Variants in PCSK1 observed in about 807,000 individuals in gnomAD.
The protein encoded by PCSK1 is proprotein convertase subtilisin/kexin type 1, also known as neuroendocrine convertase 1.
Under a neutral mutation model 90.6 loss-of-function variants are expected in PCSK1, and 56 were observed. The observed-to-expected ratio is 0.62, with a 90% CI of 0.50 to 0.77. The LOEUF is 0.77. PCSK1 is among the 30% of genes least tolerant of loss of function. The pLI is 0.00. For synonymous variants in PCSK1, 348 were observed against 342.4 expected (o/e 1.02, Z -0.18); for missense variants, 801 against 932.6 (o/e 0.86, Z 1.84).
At chr5:96,423,218 C>T in intron 4 of PCSK1, 95 bp downstream of exon 4, 1 of 1,229,826 alleles carries the variant, frequency 8.1e-7, no homozygotes, top group Admixed American at 2.0e-5. Context: ...GGGACTGACA[C>T]CAGAGCAGCA....
intron 10 of PCSK1, among the ~76,000 whole-genome samples, chr5:96,399,574 G>A (rs1031957448): frequency 2.0e-5 from 3 of 152,144 alleles, no homozygotes; most frequent in Non-Finnish European, 4.4e-5. Context: ...AGCAGATTTT[G>A]GGTAAAACTG....
chr5:96,427,365 T>C (rs937682573), intron 2 of PCSK1, among the ~76,000 whole-genome samples: 4 of 152,198 alleles, frequency 2.6e-5, no homozygotes, highest in Non-Finnish European at 5.9e-5. Context: ...GGAAAATTGG[T>C]AGTGTCTTTC....
At chr5:96,412,750 A>ATGTTTTTTTTTTTTTGTTT (rs1760801007) in intron 6 of PCSK1, among the ~76,000 whole-genome samples, 1 of 63,388 alleles carries the variant, frequency 1.6e-5, no homozygotes, top group African/African-American at 7.9e-5. Context: ...GGCAGCTGTG[A>ATGTTTTTTTTTTTTTGTTT]TGTTTTTTTT....
rs1480597482 is a variant in PCSK1 at position 96,421,905 on chromosome 5, G to A, written c.595C>T (p.Arg199Ter). 5.0e-6 allele frequency: 8 copies of A among 1,584,670 alleles called. No individual in the cohort carries two copies. The highest frequency in any genetic ancestry group is 1.7e-5 in the Admixed American group (1 of 59,640). Reference protein sequence around the residue: ...FNDNDHDPFPRYDPTNENKHG... With the variant: ...FNDNDHDPFP ...TTGTTCTCGTTTGTGGGATCATATC[G>A]GGGAAATGGATCATGGTCATTATCA... The change falls in exon 5 of 14, where the codon CGA (arginine) becomes TGA (stop). Residue 199 changes from arginine (R) to a stop codon, truncating the protein, a stop_gained. Coordinates refer to ENST00000311106, the MANE Select transcript of PCSK1 (RefSeq NM_000439.5). LOFTEE classifies it high-confidence loss of function.
intron 4 of PCSK1, 64 bp from the exon 5 acceptor site, chr5:96,422,020 GC>G: frequency 2.0e-6 from 1 of 510,786 alleles, no homozygotes; most frequent in Non-Finnish European, 3.2e-6. Context: ...AAAAAAAAAA[GC>G]ATCACTTCCC....
chr5:96,406,998 A>C (rs1156437552), intron 9 of PCSK1, among the ~76,000 whole-genome samples: 3 of 152,224 alleles, frequency 2.0e-5, no homozygotes, highest in African/African-American at 7.2e-5. Context: ...ATGAGAAAAA[A>C]AAAGTTAAAT....
At position 96,399,007 on chromosome 5, in the gene PCSK1, A is replaced by T; in HGVS notation, c.1460T>A (p.Ile487Asn). 4 of 1,612,664 alleles carry T rather than the reference A, an allele frequency of 2.5e-6. No individual in the cohort carries two copies. Among genetic ancestry groups the T allele is most frequent in the Admixed American group, 1.7e-5 (1 of 59,970 alleles). The change falls in exon 11 of 14, where the codon ATT becomes AAT. Residue 487 changes from isoleucine to asparagine, a missense_variant. Coordinates refer to ENST00000311106, the MANE Select transcript of PCSK1 (RefSeq NM_000439.5). ...RALKANGEVI[I>N]EIPTRACEGQ... is the part of the protein sequence containing the mutation. ...TTCACAAGCTCTTGTTGGAATTTCA[A>T]TGATAACTTCTCCATTAGCTTTCAG... is the stretch of plus-strand genomic sequence containing the variant.
intron 7 of PCSK1, 57 bp from the exon 8 acceptor site, chr5:96,411,043 T>C: frequency 8.2e-7 from 1 of 1,225,592 alleles, no homozygotes; most frequent in Non-Finnish European, 1.2e-6. Context: ...GTCATTGTTA[T>C]ATCCCAATAA....
At chr5:96,427,903 T>G (rs1186392330) in intron 2 of PCSK1, among the ~76,000 whole-genome samples, 1 of 152,140 alleles carries the variant, frequency 6.6e-6, no homozygotes, top group Non-Finnish European at 1.5e-5. Context: ...TTGAAGTGAG[T>G]AAGGGAAGAC....
At position 96,396,815 on chromosome 5, in the gene PCSK1, G is replaced by A. The variant is rs554400656; in HGVS notation, c.1722+521C>T. ...GTCAAAGAATGTTAGTAAACAGAAT[G>A]AAAAAGAAATGAGAAATGCTTTCGG... On this transcript the variant is annotated intron_variant, in intron 12 of 13. Transcript: ENST00000311106. 2.0e-5 allele frequency among the ~76,000 whole-genome samples: 3 copies of A among 152,278 alleles called. No individual in the cohort carries two copies. In the East Asian group the frequency reaches 5.8e-4, roughly 29 times the overall value.
intron 9 of PCSK1, among the ~76,000 whole-genome samples, chr5:96,405,504 GA>G (rs1760529702): frequency 6.6e-6 from 1 of 151,974 alleles, no homozygotes; most frequent in Non-Finnish European, 1.5e-5. Flanking sequence ...CTCCTACATA[GA>G]AAAAAGAAGG....
At chr5:96,400,329 GTTCA>G in intron 9 of PCSK1, 143 bp from the exon 10 acceptor site, 5 of 683,592 alleles carry the variant, frequency 7.3e-6, no homozygotes, top group Middle Eastern at 7.6e-4. Context: ...GTCTATTACT[GTTCA>G]TATATCTTTT....
chr5:96,409,202 G>A (rs534468579), intron 8 of PCSK1, among the ~76,000 whole-genome samples: 1 of 152,176 alleles, frequency 6.6e-6, no homozygotes, highest in Non-Finnish European at 1.5e-5. Flanking sequence ...GCTGCTGGTT[G>A]GGCCAAGGGA....
At chr5:96,402,763 A>G (rs1210106339) in intron 9 of PCSK1, among the ~76,000 whole-genome samples, 7 of 152,104 alleles carry the variant, frequency 4.6e-5, no homozygotes, top group Non-Finnish European at 1.0e-4. Flanking sequence ...CACACCTGAC[A>G]GCTCAGCTCA....
In PCSK1 at chr5:96,397,416, A is replaced by T. The variant is rs780942145; in HGVS notation, c.1642T>A (p.Phe548Ile). Residue 548 changes from phenylalanine (F) to isoleucine (I), a missense_variant, in exon 12 of 14, where the codon TTT becomes ATT. Phe to Ile is a conservative substitution (Grantham distance 21). Coordinates refer to ENST00000311106, the MANE Select transcript of PCSK1 (RefSeq NM_000439.5). The stretch of plus-strand genomic sequence containing the variant: ...ACAGACATGAAGTCCCAATTCTTAA[A>T]GCCATTAGGAGATGTATCCCGTTCT... ...ERERDTSPNG[F>I]KNWDFMSVHT... The T allele has an allele frequency of 6.2e-7, 1 of 1,612,068 alleles. No homozygotes were observed. The highest frequency in any genetic ancestry group is 1.1e-5 in the South Asian group (1 of 91,044).
intron 5 of PCSK1, among the ~76,000 whole-genome samples, chr5:96,420,117 G>C (rs1761073200): frequency 6.6e-6 from 1 of 152,118 alleles, no homozygotes; most frequent in Admixed American, 6.6e-5. Flanking sequence ...ACTCTAAGAA[G>C]GCTTATTATT....
rs199684712 is a variant in PCSK1 at position 96,393,134 on chromosome 5, G to A, written c.2129C>T (p.Pro710Leu). 20 of 1,614,054 alleles carry A rather than the reference G, an allele frequency of 1.2e-5. No individual in the cohort carries two copies. In the South Asian group the frequency reaches 2.2e-4, roughly 18 times the overall value. ...GTCTTCAGAGTCTTTAAGCTGGGAAGGTTTGTTCAGCTTTTCCAGGGCTTC... is the reference window on the plus strand; with the variant it reads ...GTCTTCAGAGTCTTTAAGCTGGGAAAGTTTGTTCAGCTTTTCCAGGGCTTC... ...FYEALEKLNK[P>L]SQLKDSEDSL... Residue 710 changes from proline (P) to leucine (L), a missense_variant, in exon 14 of 14, where the codon CCT becomes CTT. Pro to Leu is a moderately conservative substitution (Grantham distance 98, BLOSUM62 -3). Transcript: ENST00000311106.
In PCSK1 at chr5:96,416,035, C is replaced by G; in HGVS notation, c.707G>C (p.Gly236Ala). The G allele has an allele frequency of 6.2e-7, 1 of 1,600,182 alleles. No homozygotes were observed. The highest frequency in any genetic ancestry group is 8.6e-7 in the Non-Finnish European group (1 of 1,167,286). Residue 236 changes from glycine (G) to alanine (A), a missense_variant and splice_region_variant, in exon 6 of 14, where the codon GGA (glycine) becomes GCA (alanine). Coordinates refer to ENST00000311106, the MANE Select transcript of PCSK1 (RefSeq NM_000439.5). ...GVGVAYNSKVGGIRMLDGIVT... is the reference protein window; with the variant it reads ...GVGVAYNSKVAGIRMLDGIVT... Reference sequence around the variant, plus strand: ...ATAGGGACAATCCTCTGTTTTACCTCCAACTTTGGAATTGTATGCAACTCC... The same window carrying G: ...ATAGGGACAATCCTCTGTTTTACCTGCAACTTTGGAATTGTATGCAACTCC...
At chr5:96,410,515 T>C (rs1760718553) in intron 8 of PCSK1, among the ~76,000 whole-genome samples, 2 of 151,956 alleles carry the variant, frequency 1.3e-5, no homozygotes, top group African/African-American at 4.8e-5. Flanking sequence ...CCGCTGTGTG[T>C]AATGACAGGT....
Sources: gnomAD v4.1 joint callset for allele counts (sites outside exome capture counted in the v4.1 genomes callset) on GRCh38, gnomAD v4.1.1 for gene constraint, MANE v1.5 for transcripts, NCBI Gene and HGNC (gene_info 2026-07-23, HGNC 2026-07-21) for gene names.